CNTNAP3B: variants seen among roughly 807,000 people sequenced by gnomAD.
CNTNAP3B encodes contactin associated protein family member 3B.
A neutral mutation model predicts 108.9 loss-of-function variants in CNTNAP3B; 25 were observed. The ratio of observed to expected loss-of-function variants is 0.23; its 90% CI spans 0.17 to 0.32. The LOEUF (loss-of-function observed/expected upper bound fraction) is 0.32, where lower values mean the gene tolerates loss of function less well. Ranked by LOEUF, CNTNAP3B falls within the 10% of genes least tolerant of loss-of-function variation. The pLI is 1.00. For missense variants in CNTNAP3B, 252 were observed against 1,210.4 expected (o/e 0.21, Z 11.75); for synonymous variants, 103 against 473.4 (o/e 0.22, Z 10.16).
At chr9:42,100,160 G>A (rs1291230733) in intron 2 of CNTNAP3B, among the ~76,000 whole-genome samples, 6 of 59,872 alleles carry the variant, frequency 1.0e-4, no homozygotes, top group African/African-American at 2.8e-4. Context: ...TCTAGGTTTT[G>A]CATTTCCAAA....
chr9:41,983,132 C>T lies in CNTNAP3B; in HGVS notation c.1477+3036G>A, dbSNP rs1174007251. ...GTGATGGAATAATCTGTACCCCAAG[C>T]CCCCATTACATGCAATTTACCTATA... is the stretch of plus-strand genomic sequence containing the variant. On this transcript the variant is annotated intron_variant, in intron 9 of 23. Coordinates refer to ENST00000377561, the MANE Select transcript of CNTNAP3B (RefSeq NM_001201380.3). The T allele has an allele frequency of 2.2e-5, 3 of 134,934 alleles. 1 individual carries two copies. The highest frequency in any genetic ancestry group is 6.0e-5 in the African/African-American group (2 of 33,454). The allele number at this position is 134,934 out of a possible 1,614,324, so 8.4% of individuals were successfully genotyped here. A position where few individuals can be genotyped will look rare whatever the true frequency, so the allele number is the denominator to read the frequency against.
Position 42,099,831 on chromosome 9 carries a change from AT to A in CNTNAP3B, c.196+4797del, listed in dbSNP as rs1297178738. ...GTTATCCTTGCAAAAAAGCATATATATTTTTTAATTTATTGCAGTAGCATCT... is the reference window on the plus strand; with the variant it reads ...GTTATCCTTGCAAAAAAGCATATATATTTTTAATTTATTGCAGTAGCATCT... On this transcript the variant is annotated intron_variant, in intron 2 of 23. Coordinates refer to ENST00000377561, the MANE Select transcript of CNTNAP3B (RefSeq NM_001201380.3). 6.8e-5 allele frequency among the ~76,000 whole-genome samples: 5 copies of A among 73,716 alleles called. 2 individuals are homozygous for A. In the Admixed American group the frequency reaches 7.6e-4, roughly 11 times the overall value. The allele number at this position is 73,716 out of a possible 152,430, so 48.4% of individuals were successfully genotyped here. A position where few individuals can be genotyped will look rare whatever the true frequency, so the allele number is the denominator to read the frequency against.
intron 14 of CNTNAP3B, among the ~76,000 whole-genome samples, chr9:41,935,719 C>T (rs1824137009): frequency 6.6e-6 from 1 of 152,232 alleles, no homozygotes; most frequent in Non-Finnish European, 1.5e-5. Flanking sequence ...CTGGAAGCTG[C>T]AAAGTAAATA....
intron 13 of CNTNAP3B, among the ~76,000 whole-genome samples, chr9:41,944,577 A>G (rs1203418288): frequency 6.6e-6 from 1 of 152,352 alleles, no homozygotes; most frequent in East Asian, 1.9e-4. Context: ...ATATGGAATC[A>G]TATAAAATGC....
chr9:42,111,549 G>T (rs1156441793), intron 1 of CNTNAP3B, among the ~76,000 whole-genome samples: 1 of 138,212 alleles, frequency 7.2e-6, no homozygotes. Flanking sequence ...AAATAAAACT[G>T]CAAGAAGGAA....
At chr9:42,061,443 G>A (rs1373652710) in intron 3 of CNTNAP3B, among the ~76,000 whole-genome samples, 2 of 132,016 alleles carry the variant, frequency 1.5e-5, no homozygotes, top group Non-Finnish European at 3.2e-5. Flanking sequence ...TCAGCCTCCC[G>A]AGTAGCTGGG....
In CNTNAP3B at chr9:41,923,284, C is replaced by G. The variant is rs1382830913; in HGVS notation, c.2537-389G>C. On this transcript the variant is annotated intron_variant, in intron 16 of 23. Transcript: ENST00000377561. The stretch of plus-strand genomic sequence containing the variant: ...TATAAACACTGAATGTAAATTTTGA[C>G]AGTCATAAATTAAGCTTTGGGTACA... Among the ~76,000 whole-genome samples, 3 of 148,236 alleles carry G rather than the reference C, an allele frequency of 2.0e-5. No individual in the cohort carries two copies. The South Asian group carries it at 6.4e-4, about 32-fold the overall frequency.
chr9:42,054,598 C>T (rs1198385709), intron 3 of CNTNAP3B, among the ~76,000 whole-genome samples: 1 of 151,568 alleles, frequency 6.6e-6, no homozygotes, highest in Admixed American at 6.6e-5. Flanking sequence ...GTGCTGTCTG[C>T]ACCACATCAC....
intron 13 of CNTNAP3B, among the ~76,000 whole-genome samples, chr9:41,940,153 A>G (rs1824290596): frequency 6.6e-6 from 1 of 152,302 alleles, no homozygotes; most frequent in Non-Finnish European, 1.5e-5. Context: ...CGAATCTCAA[A>G]AAGAGAGAAC....
At position 42,093,294 on chromosome 9, in the gene CNTNAP3B, G is replaced by A. The variant is rs538714161; in HGVS notation, c.196+11335C>T. Among the ~76,000 whole-genome samples the A allele has an allele frequency of 1.4e-3, 129 of 95,312 alleles. 37 individuals carry two copies. The highest frequency in any genetic ancestry group is 4.8e-3 in the African/African-American group (122 of 25,602). 62.5% of individuals were successfully genotyped at this position (95,312 alleles called of 152,430 possible). A position where few individuals can be genotyped will look rare whatever the true frequency, so the allele number is the denominator to read the frequency against. ...CAGGAAGCGGAGGTTGCAGTCAGCCGAGATCACGTCACTGCACTCCAGCCT... is the reference window on the plus strand; with the variant it reads ...CAGGAAGCGGAGGTTGCAGTCAGCCAAGATCACGTCACTGCACTCCAGCCT... On this transcript the variant is annotated intron_variant, in intron 2 of 23. Transcript: ENST00000377561.
intron 2 of CNTNAP3B, among the ~76,000 whole-genome samples, chr9:42,081,338 G>T (rs528234498): frequency 6.7e-6 from 1 of 149,046 alleles, no homozygotes; most frequent in African/African-American, 2.5e-5. Context: ...CACAACATAG[G>T]ATTTATCTTA....
At chr9:41,967,261 T>C (rs559398119) in intron 10 of CNTNAP3B, among the ~76,000 whole-genome samples, 2 of 152,392 alleles carry the variant, frequency 1.3e-5, no homozygotes, top group Non-Finnish European at 2.9e-5. Flanking sequence ...GGGAGGTAAC[T>C]GAATCATGCA....
At chr9:42,063,246 TTG>T (rs1162745716) in intron 3 of CNTNAP3B, among the ~76,000 whole-genome samples, 2 of 128,054 alleles carry the variant, frequency 1.6e-5, no homozygotes, top group Non-Finnish European at 1.6e-5. Flanking sequence ...ACTCTTGACT[TTG>T]TGTGTGTGTG....
At chr9:41,958,124 T>G (rs1824928767) in intron 12 of CNTNAP3B, among the ~76,000 whole-genome samples, 1 of 152,218 alleles carries the variant, frequency 6.6e-6, no homozygotes, top group African/African-American at 2.4e-5. Context: ...TTTCTTTTTT[T>G]GGAGACAAGG....
At chr9:41,973,040 G>T (rs1424392941) in intron 9 of CNTNAP3B, among the ~76,000 whole-genome samples, 2 of 134,268 alleles carry the variant, frequency 1.5e-5, no homozygotes, top group African/African-American at 2.9e-5. Context: ...CAGGTTCACA[G>T]CATTCTCCTG....
At chr9:41,979,007 T>A (rs1825571930) in intron 9 of CNTNAP3B, among the ~76,000 whole-genome samples, 1 of 140,378 alleles carries the variant, frequency 7.1e-6, no homozygotes, top group Non-Finnish European at 1.5e-5. Context: ...GGTGGTAAGG[T>A]CTGGGTCGGG....
chr9:41,973,274 G>A (rs1368633768), intron 9 of CNTNAP3B, among the ~76,000 whole-genome samples: 2 of 135,002 alleles, frequency 1.5e-5, no homozygotes, highest in African/African-American at 5.3e-5. Context: ...AAATGAATTC[G>A]ATAACTCTGT....
At chr9:41,925,052 C>G (rs370843215) in intron 15 of CNTNAP3B, among the ~76,000 whole-genome samples, 3 of 152,168 alleles carry the variant, frequency 2.0e-5, no homozygotes, top group East Asian at 1.9e-4. Context: ...TTAGTTTCAA[C>G]TGCCTTGTAA....
At chr9:42,041,730 A>G (rs1434911220) in intron 3 of CNTNAP3B, among the ~76,000 whole-genome samples, 8 of 138,914 alleles carry the variant, frequency 5.8e-5, no homozygotes, top group South Asian at 2.4e-4. Flanking sequence ...CAGTCATCCC[A>G]TTACTGGGTA....
Sources: allele counts gnomAD v4.1 joint callset (sites outside exome capture counted in the v4.1 genomes callset), GRCh38; gene constraint gnomAD v4.1.1; transcripts MANE v1.5; gene names NCBI Gene and HGNC (gene_info 2026-07-23, HGNC 2026-07-21).